MORN1: variants seen among roughly 807,000 people sequenced by gnomAD.
MORN1 encodes MORN repeat-containing protein 1.
In MORN1, 67 loss-of-function variants were observed where a neutral mutation model predicts 61.9. The ratio of observed to expected loss-of-function variants is 1.08; its 90% CI spans 0.89 to 1.33. The LOEUF (loss-of-function observed/expected upper bound fraction) is 1.33, where lower values mean the gene tolerates loss of function less well. Ranked by LOEUF, MORN1 falls within the 40% of genes most tolerant of loss-of-function variation. The pLI, the probability that MORN1 is intolerant of heterozygous loss-of-function variation, is 0.00. For synonymous variants in MORN1, 301 were observed against 292.0 expected (o/e 1.03, Z -0.31); for missense variants, 752 against 691.2 (o/e 1.09, Z -0.99).
chr1:2,325,506 G>T (rs1641007779), intron 12 of MORN1, among the ~76,000 whole-genome samples: 1 of 151,764 alleles, frequency 6.6e-6, no homozygotes, highest in Non-Finnish European at 1.5e-5. Flanking sequence ...GTGCCACCAT[G>T]CCCAGATAAT....
chr1:2,336,275 G>A (rs1641273915), intron 12 of MORN1, among the ~76,000 whole-genome samples, 194 bp downstream of exon 12: 1 of 152,246 alleles, frequency 6.6e-6, no homozygotes, highest in Non-Finnish European at 1.5e-5. Context: ...GCCCAGGCAA[G>A]TCGCAGGGCA....
At chr1:2,380,395 T>G (rs1050118042) in intron 6 of MORN1, among the ~76,000 whole-genome samples, 7 of 152,126 alleles carry the variant, frequency 4.6e-5, no homozygotes, top group Non-Finnish European at 1.0e-4. Flanking sequence ...ATCCCAGCCC[T>G]TTGGGGGCCA....
At chr1:2,322,135 A>G (rs1259241551) in intron 13 of MORN1, 2 of 985,272 alleles carry the variant, frequency 2.0e-6, no homozygotes, top group African/African-American at 1.7e-5. Context: ...TGCTGGGGGC[A>G]CTCGGCAGAG....
chr1:2,336,092 T>G (rs1311929965), intron 12 of MORN1, among the ~76,000 whole-genome samples: 2 of 151,766 alleles, frequency 1.3e-5, no homozygotes, highest in East Asian at 1.9e-4. Context: ...GCTCACAGAG[T>G]CCCCTCAAGC....
intron 13 of MORN1, chr1:2,323,552 GC>G: frequency 1.0e-6 from 1 of 985,330 alleles, no homozygotes; most frequent in Non-Finnish European, 1.2e-6. Flanking sequence ...GTGGGGGGGT[GC>G]CAGGCCCAGG....
At chr1:2,382,244 C>A (rs1464252710) in intron 6 of MORN1, among the ~76,000 whole-genome samples, 1 of 152,148 alleles carries the variant, frequency 6.6e-6, no homozygotes, top group Non-Finnish European at 1.5e-5. Context: ...ATGAGACAGG[C>A]CCTGACCAGG....
chr1:2,364,658 A>ATTT (rs1557883506), intron 8 of MORN1, among the ~76,000 whole-genome samples: 26 of 148,602 alleles, frequency 1.7e-4, no homozygotes, highest in African/African-American at 6.4e-4. Flanking sequence ...TGAATGGTAA[A>ATTT]GCCTAGGTTT....
At chr1:2,346,617 C>T (rs1279359664) in intron 10 of MORN1, among the ~76,000 whole-genome samples, 3 of 152,180 alleles carry the variant, frequency 2.0e-5, no homozygotes, top group African/African-American at 7.2e-5. Context: ...ATTTCCTGAC[C>T]TCAGGTGATC....
intron 12 of MORN1, among the ~76,000 whole-genome samples, chr1:2,328,368 C>T (rs986654394): frequency 3.3e-5 from 5 of 152,224 alleles, no homozygotes; most frequent in Admixed American, 3.3e-4. Context: ...AGGGCCATGC[C>T]TGGGAGTCAG....
intron 6 of MORN1, chr1:2,379,126 A>C (rs1642313944): frequency 2.1e-6 from 1 of 471,038 alleles, no homozygotes; most frequent in African/African-American, 2.0e-5. Flanking sequence ...CGAGAGGGAG[A>C]ACAGGTCTCC....
chr1:2,384,867 G>A (rs1427257717), intron 6 of MORN1, 111 bp downstream of exon 6: 3 of 866,252 alleles, frequency 3.5e-6, no homozygotes, highest in African/African-American at 3.4e-5. Context: ...GAATCGCAGG[G>A]CCTGGCACAT....
Position 2,387,410 on chromosome 1 carries a change from G to A in MORN1, c.358+9C>T. On this transcript the variant is annotated intron_variant, in intron 4 of 13. Transcript: ENST00000378531. Reference sequence around the variant, plus strand: ...CCCTCACAGCACCCGGCTCCTGTGGGCGCCAGACCTTCCCGCATGCCGTGG... The same window carrying A: ...CCCTCACAGCACCCGGCTCCTGTGGACGCCAGACCTTCCCGCATGCCGTGG... 6.2e-7 allele frequency: 1 copy of A among 1,608,068 alleles called. No homozygotes were observed. The highest frequency in any genetic ancestry group is 8.5e-7 in the Non-Finnish European group (1 of 1,175,948).
intron 6 of MORN1, among the ~76,000 whole-genome samples, chr1:2,380,903 C>A (rs1642356963): frequency 6.6e-6 from 1 of 152,194 alleles, no homozygotes; most frequent in Non-Finnish European, 1.5e-5. Flanking sequence ...AATGACACCA[C>A]AAGCAACGGC....
rs142368970 is a variant in MORN1, at chr1:2,372,737, G to A, written c.635-146C>T. 1,216 of 604,232 alleles carry A rather than the reference G, an allele frequency of 2.0e-3. 6 individuals are homozygous for A. Among genetic ancestry groups the A allele is most frequent in the South Asian group, 5.4e-3 (276 of 51,104 alleles). 37.4% of individuals were successfully genotyped at this position (604,232 alleles called of 1,614,324 possible). On this transcript the variant is annotated intron_variant, in intron 7 of 13. Coordinates refer to ENST00000378531, the MANE Select transcript of MORN1 (RefSeq NM_024848.3). The surrounding 1 kb of genome is among the most constrained non-coding windows in gnomAD (Gnocchi z 5.4). The stretch of plus-strand genomic sequence containing the variant: ...AAGCACATGCGGGGGCCGACCCTCC[G>A]CAAACCACCTTGCAGAGCAGCGACC...
chr1:2,385,751 C>T, intron 5 of MORN1, 56 bp downstream of exon 5: 2 of 1,526,392 alleles, frequency 1.3e-6, no homozygotes, highest in South Asian at 1.1e-5. Context: ...CATGGCCTCA[C>T]ACCTGCCCTG....
chr1:2,331,076 G>C (rs1641138519), intron 12 of MORN1, among the ~76,000 whole-genome samples: 1 of 152,034 alleles, frequency 6.6e-6, no homozygotes. Flanking sequence ...CACGTGCGGG[G>C]CCCTCATGTC....
intron 10 of MORN1, among the ~76,000 whole-genome samples, chr1:2,345,599 A>G (rs1641495405): frequency 1.3e-5 from 2 of 152,202 alleles, no homozygotes; most frequent in South Asian, 4.1e-4. Context: ...ATTGCTACTG[A>G]CCAGAGACGG....
At position 2,388,243 on chromosome 1, in the gene MORN1, C is replaced by T. The variant is rs554122881; in HGVS notation, c.243G>A (p.Trp81Ter). ...ITGEGRRHWA[W>*]SGDTFSGQFV... ...GCCATCCCAGCTAGAGCTCACCTGA[C>T]CAGGCCCAGTGCCGGCGGCCTTCTC... Residue 81 changes from tryptophan to a stop codon, truncating the protein, a stop_gained, in exon 3 of 14, where the codon TGG (tryptophan) becomes TGA (stop). Coordinates refer to ENST00000378531, the MANE Select transcript of MORN1 (RefSeq NM_024848.3). LOFTEE classifies it high-confidence loss of function. 2 of 1,613,388 alleles carry T rather than the reference C, an allele frequency of 1.2e-6. No individual in the cohort carries two copies. Among genetic ancestry groups the T allele is most frequent in the African/African-American group, 2.7e-5 (2 of 75,054 alleles).
chr1:2,387,204 A>G (rs1410767055), intron 4 of MORN1: 1 of 587,812 alleles, frequency 1.7e-6, no homozygotes, highest in East Asian at 2.8e-5. Flanking sequence ...ACAGAGCTGC[A>G]TCAAGCGCCG....
Sources: allele counts gnomAD v4.1 joint callset (sites outside exome capture counted in the v4.1 genomes callset), GRCh38; gene constraint gnomAD v4.1.1; non-coding constraint Gnocchi (gnomAD v3.1); transcripts MANE v1.5; gene names NCBI Gene and HGNC (gene_info 2026-07-23, HGNC 2026-07-21).